Variants in ADAMTS14 observed in about 807,000 individuals in gnomAD.
ADAMTS14 encodes the protein A disintegrin and metalloproteinase with thrombospondin motifs 14.
In ADAMTS14, 100 loss-of-function variants were observed where a neutral mutation model predicts 128.6. The ratio of observed to expected loss-of-function variants is 0.78; its 90% CI spans 0.66 to 0.92. The LOEUF (loss-of-function observed/expected upper bound fraction) is 0.92, where lower values mean the gene tolerates loss of function less well. Ranked by LOEUF, ADAMTS14 falls within the 40% of genes least tolerant of loss-of-function variation. The probability of loss-of-function intolerance (pLI) is 0.00; values close to 1 mark genes in which losing one functional copy is unlikely to be tolerated. For missense variants in ADAMTS14, 1,562 were observed against 1,658.6 expected (o/e 0.94, Z 1.01); for synonymous variants, 665 against 653.8 (o/e 1.02, Z -0.26).
intron 4 of ADAMTS14, among the ~76,000 whole-genome samples, chr10:70,711,225 C>T (rs1840846876): frequency 6.6e-6 from 1 of 152,256 alleles, no homozygotes; most frequent in Non-Finnish European, 1.5e-5. Flanking sequence ...GACTTCTCTA[C>T]CAGACATTCT....
chr10:70,696,953 G>A (rs1262475145), intron 2 of ADAMTS14, among the ~76,000 whole-genome samples: 1 of 152,160 alleles, frequency 6.6e-6, no homozygotes, highest in African/African-American at 2.4e-5. Flanking sequence ...CCAGTTGCTG[G>A]GTTTTCTTTT....
chr10:70,713,228 C>T (rs1426258201), intron 4 of ADAMTS14, among the ~76,000 whole-genome samples: 4 of 152,126 alleles, frequency 2.6e-5, no homozygotes, highest in Admixed American at 1.3e-4. Flanking sequence ...TTGCTGGAGC[C>T]CTGCTCCCCA....
intron 3 of ADAMTS14, 150 bp from the exon 4 acceptor site, chr10:70,708,438 A>C (rs2132612562): frequency 1.6e-6 from 1 of 631,314 alleles, no homozygotes; most frequent in South Asian, 2.6e-5. Context: ...CCATGAGTTG[A>C]CCTAGTATGG....
intron 3 of ADAMTS14, among the ~76,000 whole-genome samples, chr10:70,705,528 A>G (rs780594344): frequency 1.3e-5 from 2 of 152,232 alleles, no homozygotes; most frequent in Admixed American, 6.5e-5. Flanking sequence ...TATATTCACA[A>G]TGCTGTGCAA....
intron 10 of ADAMTS14, among the ~76,000 whole-genome samples, chr10:70,737,258 T>A (rs765528190): frequency 1.1e-4 from 17 of 152,170 alleles, no homozygotes; most frequent in Non-Finnish European, 2.4e-4. Flanking sequence ...ACCTCCTTCA[T>A]GAATGTCCTG....
chr10:70,745,747 C>T (rs1213581633), intron 15 of ADAMTS14, among the ~76,000 whole-genome samples: 2 of 152,158 alleles, frequency 1.3e-5, no homozygotes, highest in Admixed American at 6.5e-5. Context: ...TTGGGCTGGG[C>T]TCTGTGGGGT....
Position 70,684,120 on chromosome 10 carries a change from G to A in ADAMTS14, c.522+9125G>A, listed in dbSNP as rs201949956. Among the ~76,000 whole-genome samples, 12 of 151,978 alleles carry A rather than the reference G, an allele frequency of 7.9e-5. No individual in the cohort carries two copies. In the East Asian group the frequency reaches 1.7e-3, roughly 22 times the overall value. On this transcript the variant is annotated intron_variant, in intron 2 of 21. Coordinates refer to ENST00000373207, the MANE Select transcript of ADAMTS14 (RefSeq NM_080722.4). The stretch of plus-strand genomic sequence containing the variant: ...AAGGCAAAGGGGAGTGAGGTATCTC[G>A]CATGGCGGGAGCAGGAGCAAGATAG...
At chr10:70,719,367 TACACAC>T (rs61607600) in intron 4 of ADAMTS14, among the ~76,000 whole-genome samples, 16,329 of 142,018 alleles carry the variant, frequency 0.11, 1,096 homozygotes, top group African/African-American at 0.18. Context: ...ACTCCACAAA[TACACAC>T]ACACACACAC....
intron 16 of ADAMTS14, among the ~76,000 whole-genome samples, chr10:70,750,446 C>G (rs924428117): frequency 6.6e-6 from 1 of 152,178 alleles, no homozygotes; most frequent in African/African-American, 2.4e-5. Context: ...GCCCATACCC[C>G]CCTTCCTAGA....
At chr10:70,727,814 G>A (rs894709854) in intron 4 of ADAMTS14, among the ~76,000 whole-genome samples, 5 of 152,148 alleles carry the variant, frequency 3.3e-5, no homozygotes, top group Non-Finnish European at 2.9e-5. Flanking sequence ...TCTTGGCCTC[G>A]GCCGGGCGCG....
At chr10:70,718,423 T>C (rs1415442815) in intron 4 of ADAMTS14, among the ~76,000 whole-genome samples, 1 of 152,194 alleles carries the variant, frequency 6.6e-6, no homozygotes, top group African/African-American at 2.4e-5. Context: ...GGAGTTTCAC[T>C]GTTGCCCAGG....
At chr10:70,698,334 G>T (rs1840393745) in intron 2 of ADAMTS14, among the ~76,000 whole-genome samples, 1 of 152,154 alleles carries the variant, frequency 6.6e-6, no homozygotes, top group Admixed American at 6.5e-5. Context: ...TTGAGAGACG[G>T]GAGTACTTTA....
At chr10:70,734,661 G>A (rs1841767986) in intron 8 of ADAMTS14, among the ~76,000 whole-genome samples, 1 of 152,220 alleles carries the variant, frequency 6.6e-6, no homozygotes, top group South Asian at 2.1e-4. Context: ...TTAGACTCAG[G>A]ACCTTGAGGC....
Position 70,702,361 on chromosome 10 carries a change from A to C in ADAMTS14, c.572A>C (p.Glu191Ala). 1 of 1,614,086 alleles carries C rather than the reference A, an allele frequency of 6.2e-7. No individual in the cohort carries two copies. The highest frequency in any genetic ancestry group is 8.5e-7 in the Non-Finnish European group (1 of 1,180,024). The change falls in exon 3 of 22, where the codon GAG (glutamate) becomes GCG (alanine). Residue 191 changes from glutamate (E) to alanine (A), a missense_variant. Physicochemically the swap from Glu to Ala is moderately radical, Grantham distance 107. Transcript: ENST00000373207. ...DSTDFFIEPLERGQQEKEASG... is the reference protein window; with the variant it reads ...DSTDFFIEPLARGQQEKEASG... The stretch of plus-strand genomic sequence containing the variant: ...ACCGACTTCTTCATTGAGCCTCTGG[A>C]GCGGGGCCAGCAGGAGAAGGAGGCC...
At chr10:70,729,433 GTGTTGGACCAGCAA>G in intron 5 of ADAMTS14, 56 bp downstream of exon 5, 1 of 1,437,320 alleles carries the variant, frequency 7.0e-7, no homozygotes, top group Non-Finnish European at 9.8e-7. Context: ...TGGGGCCAGA[GTGTTGGACCAGCAA>G]TGGTGTGGGC....
At chr10:70,742,910 C>G (rs114335473) in intron 12 of ADAMTS14, among the ~76,000 whole-genome samples, 126 of 152,314 alleles carry the variant, frequency 8.3e-4, no homozygotes, top group African/African-American at 3.0e-3. Context: ...CAGATACAGA[C>G]CACTTTTCTG....
intron 2 of ADAMTS14, among the ~76,000 whole-genome samples, chr10:70,691,583 A>G (rs1186745513): frequency 6.6e-6 from 1 of 151,616 alleles, no homozygotes; most frequent in Non-Finnish European, 1.5e-5. Context: ...GAGGACAGCC[A>G]GTCATCACCT....
chr10:70,740,370 C>A (rs143463346), intron 11 of ADAMTS14, among the ~76,000 whole-genome samples: 1 of 152,274 alleles, frequency 6.6e-6, no homozygotes, highest in Non-Finnish European at 1.5e-5. Context: ...CTATAAAATA[C>A]CTTTTCTTAC....
chr10:70,744,502 T>C (rs1842114290), intron 14 of ADAMTS14, among the ~76,000 whole-genome samples: 1 of 152,198 alleles, frequency 6.6e-6, no homozygotes, highest in Non-Finnish European at 1.5e-5. Flanking sequence ...GTGGGAGGCA[T>C]CAGACAGATC....
Sources: gnomAD v4.1 joint callset for allele counts (sites outside exome capture counted in the v4.1 genomes callset) on GRCh38, gnomAD v4.1.1 for gene constraint, MANE v1.5 for transcripts, NCBI Gene and HGNC (gene_info 2026-07-23, HGNC 2026-07-21) for gene names.